Variants in RTN4RL1 observed in about 807,000 individuals in gnomAD.
RTN4RL1 encodes reticulon 4 receptor like 1.
In RTN4RL1, 7 loss-of-function variants were observed where a neutral mutation model predicts 25.6. The ratio of observed to expected loss-of-function variants is 0.27; its 90% CI spans 0.16 to 0.51. RTN4RL1 has a LOEUF of 0.51. RTN4RL1 is among the 20% of genes least tolerant of loss of function. The pLI is 0.97. For missense variants in RTN4RL1, 500 were observed against 615.6 expected (o/e 0.81, Z 1.99); for synonymous variants, 297 against 288.2 (o/e 1.03, Z -0.31).
chr17:2,002,698 C>T (rs909315858), intron 1 of RTN4RL1, among the ~76,000 whole-genome samples: 2 of 152,122 alleles, frequency 1.3e-5, no homozygotes, highest in Admixed American at 6.5e-5. Flanking sequence ...TCCCCACGCC[C>T]GTCTCTCTCT....
chr17:1,997,339 G>C (rs1290240956), intron 1 of RTN4RL1, among the ~76,000 whole-genome samples: 1 of 152,156 alleles, frequency 6.6e-6, no homozygotes, highest in African/African-American at 2.4e-5. Flanking sequence ...ATCGTCCTCA[G>C]CCAGCTCCAG....
At chr17:1,965,265 C>G (rs1203136257) in intron 1 of RTN4RL1, among the ~76,000 whole-genome samples, 1 of 151,732 alleles carries the variant, frequency 6.6e-6, no homozygotes, top group African/African-American at 2.4e-5. Context: ...GCGCGCCCCC[C>G]ATGCCCAGCT....
In RTN4RL1 at chr17:1,936,207, G is replaced by A; in HGVS notation, c.*289C>T. ...AATTGTCCCACTGTTGCCAGTGGAG[G>A]ATGCACTTGGAGTGCCTTTTCCCAC... On this transcript the variant is annotated 3_prime_UTR_variant, in exon 2 of 2. Transcript: ENST00000331238. The A allele has an allele frequency of 8.0e-7, 1 of 1,242,514 alleles. No individual in the cohort carries two copies. Among genetic ancestry groups the A allele is most frequent in the Non-Finnish European group, 1.0e-6 (1 of 991,680 alleles). The allele number at this position is 1,242,514 out of a possible 1,614,324, so 77.0% of individuals were successfully genotyped here. A position where few individuals can be genotyped will look rare whatever the true frequency, so the allele number is the denominator to read the frequency against.
chr17:2,011,386 AACACGGTCCGACAGGAGTCATG>A (rs1247239878), intron 1 of RTN4RL1, among the ~76,000 whole-genome samples: 1 of 152,230 alleles, frequency 6.6e-6, no homozygotes, highest in Non-Finnish European at 1.5e-5. Flanking sequence ...CATGGTCTGT[AACACGGTCCGACAGGAGTCATG>A]ACACGGCTGG....
At chr17:1,972,646 G>A (rs1412767436) in intron 1 of RTN4RL1, among the ~76,000 whole-genome samples, 2 of 151,998 alleles carry the variant, frequency 1.3e-5, no homozygotes, top group African/African-American at 2.4e-5. Context: ...CTGTTTTCCC[G>A]CCCACGTGGA....
chr17:2,022,920 G>T (rs534439051), intron 1 of RTN4RL1, among the ~76,000 whole-genome samples: 4 of 152,342 alleles, frequency 2.6e-5, no homozygotes, highest in Non-Finnish European at 5.9e-5. Context: ...TCCCCCCGGG[G>T]AGCGGCCCCC....
At chr17:2,002,447 CTCGCCTGGCT>C (rs2066965379) in intron 1 of RTN4RL1, among the ~76,000 whole-genome samples, 12 of 149,728 alleles carry the variant, frequency 8.0e-5, no homozygotes, top group Non-Finnish European at 7.4e-5. Context: ...CGCCCGCCAC[CTCGCCTGGCT>C]AATTTTTTGT....
intron 1 of RTN4RL1, among the ~76,000 whole-genome samples, chr17:1,988,522 A>AG (rs772795668): frequency 2.3e-5 from 2 of 85,354 alleles, no homozygotes; most frequent in Non-Finnish European, 5.2e-5. Context: ...AAAAAAAAAA[A>AG]GAAAAGAAAA....
chr17:1,941,399 C>T (rs190085523), intron 1 of RTN4RL1, among the ~76,000 whole-genome samples: 280 of 152,234 alleles, frequency 1.8e-3, no homozygotes, highest in Non-Finnish European at 2.9e-3. Flanking sequence ...GAGTGAAGAC[C>T]CAGGGCAGGA....
chr17:1,966,031 C>G (rs191199551), intron 1 of RTN4RL1, among the ~76,000 whole-genome samples: 1 of 152,132 alleles, frequency 6.6e-6, no homozygotes. Context: ...ACATCACGAG[C>G]GGCTCTGGAG....
At chr17:1,949,780 G>A (rs962441293) in intron 1 of RTN4RL1, among the ~76,000 whole-genome samples, 1 of 152,232 alleles carries the variant, frequency 6.6e-6, no homozygotes, top group African/African-American at 2.4e-5. Context: ...GACGGATCAT[G>A]GTAAGTGCTG....
intron 1 of RTN4RL1, among the ~76,000 whole-genome samples, chr17:1,960,868 G>A (rs1412707650): frequency 1.3e-5 from 2 of 152,034 alleles, no homozygotes; most frequent in African/African-American, 2.4e-5. Context: ...AGGCCTTTGG[G>A]GGACCATCTC....
Position 1,935,814 on chromosome 17 carries a change from A to AACCTCATT in RTN4RL1, c.*674_*681dup. ...GTTATAAAACTGCACCTTCTGTGAGAACCTCATTGCCCGGGATGAAGTTCT... is the reference window on the plus strand; with the variant it reads ...GTTATAAAACTGCACCTTCTGTGAGAACCTCATTACCTCATTGCCCGGGATGAAGTTCT... On this transcript the variant is annotated 3_prime_UTR_variant, in exon 2 of 2. Coordinates refer to ENST00000331238, the MANE Select transcript of RTN4RL1 (RefSeq NM_178568.4). 1 of 982,588 alleles carries AACCTCATT rather than the reference A, an allele frequency of 1.0e-6. No homozygotes were observed. The highest frequency in any genetic ancestry group is 1.2e-6 in the Non-Finnish European group (1 of 829,092). 60.9% of individuals were successfully genotyped at this position (982,588 alleles called of 1,614,324 possible).
intron 1 of RTN4RL1, among the ~76,000 whole-genome samples, chr17:1,978,300 A>G (rs1259032222): frequency 6.6e-6 from 1 of 152,180 alleles, no homozygotes; most frequent in East Asian, 1.9e-4. Context: ...TGGGATCCAA[A>G]CCCAGCACTT....
At position 1,937,281 on chromosome 17, in the gene RTN4RL1, G is replaced by A; in HGVS notation, c.541C>T (p.His181Tyr). Reference sequence around the variant, plus strand: ...CCCAGACTCCACAGCTTGTTGCCGTGGAGAAACAGGTGGCTGAGGTTGACC... The same window carrying A: ...CCCAGACTCCACAGCTTGTTGCCGTAGAGAAACAGGTGGCTGAGGTTGACC... ...DLVNLSHLFL[H>Y]GNKLWSLGPG... Residue 181 changes from histidine to tyrosine, a missense_variant, in exon 2 of 2, where the codon CAC becomes TAC. His to Tyr is a moderately conservative substitution (Grantham distance 83). Coordinates refer to ENST00000331238, the MANE Select transcript of RTN4RL1 (RefSeq NM_178568.4). The A allele has an allele frequency of 6.2e-7, 1 of 1,612,882 alleles. No homozygotes were observed. Among genetic ancestry groups the A allele is most frequent in the South Asian group, 1.1e-5 (1 of 91,084 alleles).
intron 1 of RTN4RL1, among the ~76,000 whole-genome samples, chr17:1,972,176 A>G (rs942217484): frequency 2.1e-5 from 3 of 143,422 alleles, no homozygotes; most frequent in African/African-American, 5.2e-5. Context: ...GCGTGGTGGC[A>G]GGCACCTGTA....
intron 1 of RTN4RL1, among the ~76,000 whole-genome samples, chr17:2,021,348 C>A (rs147547393): frequency 6.6e-6 from 1 of 152,234 alleles, no homozygotes; most frequent in Non-Finnish European, 1.5e-5. Context: ...AGACCATGAG[C>A]CCTGCCCTTT....
intron 1 of RTN4RL1, among the ~76,000 whole-genome samples, chr17:2,014,872 A>G (rs533722701): frequency 3.3e-5 from 5 of 152,208 alleles, no homozygotes; most frequent in East Asian, 1.9e-4. Flanking sequence ...ATTGAATCCA[A>G]AGAAGTTCGG....
intron 1 of RTN4RL1, 110 bp downstream of exon 1, chr17:2,024,743 C>A: frequency 8.8e-7 from 1 of 1,133,460 alleles, no homozygotes; most frequent in Non-Finnish European, 1.2e-6. Flanking sequence ...CCCACCAGCC[C>A]GCCGGGGGCT....
Sources: gnomAD v4.1 joint callset for allele counts (sites outside exome capture counted in the v4.1 genomes callset) on GRCh38, gnomAD v4.1.1 for gene constraint, MANE v1.5 for transcripts, NCBI Gene and HGNC (gene_info 2026-07-23, HGNC 2026-07-21) for gene names.